Variants in ADI1 observed in about 807,000 individuals in gnomAD.
The protein encoded by ADI1 is acireductone dioxygenase 1, also known as acireductone dioxygenase.
A neutral mutation model predicts 18.7 loss-of-function variants in ADI1; 21 were observed. The observed-to-expected ratio is 1.13, with a 90% CI of 0.80 to 1.62. The LOEUF (loss-of-function observed/expected upper bound fraction) is 1.62, where lower values mean the gene tolerates loss of function less well. ADI1 is among the 40% of genes most tolerant of loss of function. The pLI is 0.00. For missense variants in ADI1, 245 were observed against 254.9 expected, an observed-to-expected ratio of 0.96 and a Z score of 0.26; for synonymous variants, 90 against 100.1, an observed-to-expected ratio of 0.90 and a Z score of 0.60.
intron 2 of ADI1, among the ~76,000 whole-genome samples, chr2:3,503,425 G>C (rs867922796): frequency 7.0e-6 from 1 of 143,698 alleles, no homozygotes; most frequent in Non-Finnish European, 1.5e-5. Flanking sequence ...GTACACACAC[G>C]AGTGCATTCA....
chr2:3,500,471 GAT>G, intron 3 of ADI1: 10 of 450,952 alleles, frequency 2.2e-5, no homozygotes, highest in South Asian at 5.6e-5. Flanking sequence ...CAACCCTAGA[GAT>G]GCCTCACCGC....
intron 2 of ADI1, among the ~76,000 whole-genome samples, chr2:3,503,206 C>T (rs1037131876): frequency 7.8e-6 from 1 of 128,216 alleles, no homozygotes; most frequent in Non-Finnish European, 1.6e-5. Context: ...TGCATGCATT[C>T]ACACACATGC....
chr2:3,503,903 C>G (rs910950397), intron 2 of ADI1, among the ~76,000 whole-genome samples: 2 of 152,180 alleles, frequency 1.3e-5, no homozygotes, highest in Non-Finnish European at 1.5e-5. Flanking sequence ...GCCGAGTGAA[C>G]AGAGAAGAGG....
intron 2 of ADI1, among the ~76,000 whole-genome samples, chr2:3,512,386 C>G (rs1667309474): frequency 6.6e-6 from 1 of 152,222 alleles, no homozygotes; most frequent in African/African-American, 2.4e-5. Context: ...ATCACAGAGC[C>G]AGAGGTCTAA....
chr2:3,509,839 T>TAAAAAA (rs58123852), intron 2 of ADI1, among the ~76,000 whole-genome samples: 1 of 140,048 alleles, frequency 7.1e-6, no homozygotes, highest in Non-Finnish European at 1.6e-5. Flanking sequence ...TACAAAAAAT[T>TAAAAAA]AAAAAAAAAA....
chr2:3,500,499 G>GTGACAACCCTCGAGATGCCT, intron 3 of ADI1: 2 of 491,080 alleles, frequency 4.1e-6, no homozygotes, highest in South Asian at 5.1e-5. Flanking sequence ...AAGGGCTGGG[G>GTGACAACCCTCGAGATGCCT]CAGGGCCAGG....
intron 3 of ADI1, 23 bp from the exon 4 acceptor site, chr2:3,499,105 C>T (rs1332993149): frequency 1.2e-6 from 2 of 1,607,982 alleles, no homozygotes; most frequent in African/African-American, 2.7e-5. Context: ...CAAACACACC[C>T]AGCATCTCAT....
chr2:3,498,083 G>A lies in ADI1; in HGVS notation c.*880C>T, dbSNP rs1177235409. ...GCTTGAGTTTCCTCTGTACAGTGTG[G>A]AGGTGATTAAGAAAATTAATCCTAA... On this transcript the variant is annotated 3_prime_UTR_variant, in exon 4 of 4. Transcript: ENST00000327435. 1 of 152,128 alleles carries A rather than the reference G, an allele frequency of 6.6e-6. No individual in the cohort carries two copies. The highest frequency in any genetic ancestry group is 1.5e-5 in the Non-Finnish European group (1 of 68,028). The allele number at this position is 152,128 out of a possible 1,614,324, so 9.4% of individuals were successfully genotyped here. A position where few individuals can be genotyped will look rare whatever the true frequency, so the allele number is the denominator to read the frequency against.
chr2:3,517,064 C>A, intron 1 of ADI1: 1 of 437,732 alleles, frequency 2.3e-6, no homozygotes, highest in Non-Finnish European at 3.0e-6. Flanking sequence ...GCACTAGGCC[C>A]CAGGATGAGA....
intron 3 of ADI1, chr2:3,500,536 TGTACCTGCC>T (rs1558423932): frequency 5.5e-6 from 2 of 364,010 alleles, no homozygotes; most frequent in African/African-American, 2.5e-4. Flanking sequence ...TGCCGCCGCA[TGTACCTGCC>T]GCCGCCTGTA....
At chr2:3,501,082 G>A in intron 2 of ADI1, 89 bp from the exon 3 acceptor site, 1 of 1,223,344 alleles carries the variant, frequency 8.2e-7, no homozygotes, top group Non-Finnish European at 1.1e-6. Context: ...GCCTTTGGTG[G>A]GCCAGAGCTG....
intron 1 of ADI1, chr2:3,517,103 T>C (rs528241197): frequency 5.4e-4 from 95 of 175,864 alleles, no homozygotes; most frequent in Non-Finnish European, 9.3e-4. Flanking sequence ...ACTCATGCCA[T>C]ATGCCACTTG....
chr2:3,500,944 T>C lies in ADI1; in HGVS notation c.290A>G (p.Tyr97Cys), dbSNP rs992818695. The change falls in exon 3 of 4, where the codon TAC (tyrosine) becomes TGC (cysteine). Residue 97 changes from tyrosine to cysteine, a missense_variant. By Grantham distance (194) the Tyr-to-Cys change is radical. Coordinates refer to ENST00000327435, the MANE Select transcript of ADI1 (RefSeq NM_018269.4). Reference protein sequence around the residue: ...EHLHLDDEIRYILDGSGYFDV... With the variant: ...EHLHLDDEIRCILDGSGYFDV... ...GAAGTACCCACTGCCATCCAGGATGTAGCGGATCTCATCGTCCAAGTGCAA... is the reference window on the plus strand; with the variant it reads ...GAAGTACCCACTGCCATCCAGGATGCAGCGGATCTCATCGTCCAAGTGCAA... 3 of 1,613,684 alleles carry C rather than the reference T, an allele frequency of 1.9e-6. No homozygotes were observed. The highest frequency in any genetic ancestry group is 1.3e-5 in the African/African-American group (1 of 74,932).
At chr2:3,513,354 T>C (rs1459018887) in intron 2 of ADI1, among the ~76,000 whole-genome samples, 1 of 152,110 alleles carries the variant, frequency 6.6e-6, no homozygotes, top group Non-Finnish European at 1.5e-5. Flanking sequence ...ATAATACAGT[T>C]TAGATTTGTG....
intron 1 of ADI1, chr2:3,517,021 C>G: frequency 2.4e-6 from 2 of 839,112 alleles, no homozygotes; most frequent in Non-Finnish European, 2.9e-6. Flanking sequence ...CATGCCTGGC[C>G]CAGGAGAGGT....
At chr2:3,509,312 C>T (rs1232406178) in intron 2 of ADI1, among the ~76,000 whole-genome samples, 1 of 151,974 alleles carries the variant, frequency 6.6e-6, no homozygotes, top group Non-Finnish European at 1.5e-5. Context: ...TGAATAATAC[C>T]ATCAATCAAC....
intron 3 of ADI1, among the ~76,000 whole-genome samples, chr2:3,500,431 C>T (rs551237843): frequency 2.6e-5 from 4 of 152,166 alleles, no homozygotes; most frequent in South Asian, 2.1e-4. Context: ...ACCCTACAGG[C>T]GCCTCACCAC....
intron 2 of ADI1, among the ~76,000 whole-genome samples, chr2:3,503,208 C>T (rs570957723): frequency 7.8e-6 from 1 of 128,070 alleles, no homozygotes; most frequent in Non-Finnish European, 1.6e-5. Flanking sequence ...CATGCATTCA[C>T]ACACATGCAC....
chr2:3,501,044 G>C, intron 2 of ADI1, 51 bp from the exon 3 acceptor site: 1 of 1,497,680 alleles, frequency 6.7e-7, no homozygotes, highest in Non-Finnish European at 9.0e-7. Context: ...TGTCACGCAA[G>C]CTCACACCCA....
Sources: gnomAD v4.1 joint callset for allele counts (sites outside exome capture counted in the v4.1 genomes callset) on GRCh38, gnomAD v4.1.1 for gene constraint, MANE v1.5 for transcripts, NCBI Gene and HGNC (gene_info 2026-07-23, HGNC 2026-07-21) for gene names.